Variants in SAV1 observed in about 807,000 individuals in gnomAD.
SAV1 encodes the protein protein salvador homolog 1.
SAV1 carries 23 observed loss-of-function variants against 47.3 expected under a neutral mutation model. That is an observed-to-expected ratio of 0.49 (90% CI 0.35 to 0.69). The LOEUF is 0.69. Ranked by LOEUF, SAV1 falls within the 30% of genes least tolerant of loss-of-function variation. SAV1 has a pLI of 0.01. For synonymous variants in SAV1, 155 were observed against 159.2 expected (o/e 0.97, Z 0.20); for missense variants, 448 against 457.4 (o/e 0.98, Z 0.19).
chr14:50,650,390 A>G (rs552464743), intron 2 of SAV1, among the ~76,000 whole-genome samples: 1 of 152,302 alleles, frequency 6.6e-6, no homozygotes, highest in Non-Finnish European at 1.5e-5. Flanking sequence ...TTCGGGATGT[A>G]TTATGTGAAA....
At chr14:50,641,709 T>C (rs3015502) in intron 3 of SAV1, among the ~76,000 whole-genome samples, 72,667 of 151,964 alleles carry the variant, frequency 0.48, 18,371 homozygotes, top group East Asian at 0.73. Context: ...AGTCAAAAAA[T>C]AACAGATGCT....
chr14:50,651,766 A>G (rs2039771813), intron 2 of SAV1, among the ~76,000 whole-genome samples: 1 of 152,026 alleles, frequency 6.6e-6, no homozygotes, highest in African/African-American at 2.4e-5. Flanking sequence ...AGGTGTGACT[A>G]TGGGCATGCA....
At position 50,644,783 on chromosome 14, in the gene SAV1, G is replaced by C; in HGVS notation, c.767C>G (p.Thr256Arg). 1 of 1,614,072 alleles carries C rather than the reference G, an allele frequency of 6.2e-7. No individual in the cohort carries two copies. The highest frequency in any genetic ancestry group is 8.5e-7 in the Non-Finnish European group (1 of 1,179,988). ...ATGCCTGTATTGGGCCTTCTTATTTGTGTGATCTACATAATAGGTTCCAAA... is the reference window on the plus strand; with the variant it reads ...ATGCCTGTATTGGGCCTTCTTATTTCTGTGATCTACATAATAGGTTCCAAA... ...SEFGTYYVDH[T>R]NKKAQYRHPC... The change falls in exon 3 of 5, where the codon ACA becomes AGA. Residue 256 changes from threonine (T) to arginine (R), a missense_variant. Transcript: ENST00000324679.
At chr14:50,644,389 C>T (rs1476079128) in intron 3 of SAV1, among the ~76,000 whole-genome samples, 1 of 152,168 alleles carries the variant, frequency 6.6e-6, no homozygotes, top group South Asian at 2.1e-4. Context: ...TACATTCTGA[C>T]TTAGGGGGTA....
chr14:50,659,972 T>C (rs2039845149), intron 2 of SAV1, among the ~76,000 whole-genome samples: 1 of 152,246 alleles, frequency 6.6e-6, no homozygotes, highest in African/African-American at 2.4e-5. Flanking sequence ...TCTCACCTCC[T>C]GCAAACTCTT....
At position 50,652,801 on chromosome 14, in the gene SAV1, C is replaced by T. The variant is rs1257753352; in HGVS notation, c.536-7787G>A. Among the ~76,000 whole-genome samples, 11 of 152,282 alleles carry T rather than the reference C, an allele frequency of 7.2e-5. No individual in the cohort carries two copies. The Middle Eastern group carries it at 0.01, about 141-fold the overall frequency. ...ATCCCAACACTTTGGGAGGCCAAGG[C>T]GGGTGCATCACCTGAGGTCAAGAGT... On this transcript the variant is annotated intron_variant, in intron 2 of 4. Coordinates refer to ENST00000324679, the MANE Select transcript of SAV1 (RefSeq NM_021818.4).
chr14:50,647,020 G>C (rs1407092606), intron 2 of SAV1, among the ~76,000 whole-genome samples: 1 of 152,080 alleles, frequency 6.6e-6, no homozygotes, highest in Non-Finnish European at 1.5e-5. Flanking sequence ...TCCAACAAAT[G>C]ATGTTGCAAC....
At position 50,661,921 on chromosome 14, in the gene SAV1, G is replaced by A. The variant is rs573160265; in HGVS notation, c.535+3258C>T. 1.1e-3 allele frequency among the ~76,000 whole-genome samples: 167 copies of A among 152,158 alleles called. 1 individual carries two copies. The highest frequency in any genetic ancestry group is 4.8e-3 in the Admixed American group (73 of 15,278). On this transcript the variant is annotated intron_variant, in intron 2 of 4. Coordinates refer to ENST00000324679, the MANE Select transcript of SAV1 (RefSeq NM_021818.4). ...TAGTGTGATGCTTCTAGCTTTGTTC[G>A]GTTTGCTCAGGATTACTTTGGGTAT...
rs1473114530 is a variant in SAV1, at chr14:50,635,359, G to A, written c.976C>T (p.Leu326Phe). 6.2e-7 allele frequency: 1 copy of A among 1,613,934 alleles called. No individual in the cohort carries two copies. Among genetic ancestry groups the A allele is most frequent in the Non-Finnish European group, 8.5e-7 (1 of 1,179,958 alleles). ...GTATCCAGGTCAGCCAGCTGGAAGA[G>A]TTCCCACTTCAGAATGTGGTCATAT... Reference protein sequence around the residue: ...VKYDHILKWELFQLADLDTYQ... With the variant: ...VKYDHILKWEFFQLADLDTYQ... The change falls in exon 5 of 5, where the codon CTC becomes TTC. Residue 326 changes from leucine (L) to phenylalanine (F), a missense_variant. Coordinates refer to ENST00000324679, the MANE Select transcript of SAV1 (RefSeq NM_021818.4).
At chr14:50,655,960 A>C (rs543449497) in intron 2 of SAV1, among the ~76,000 whole-genome samples, 13 of 152,168 alleles carry the variant, frequency 8.5e-5, no homozygotes, top group Non-Finnish European at 1.6e-4. Context: ...CAGAAGAATC[A>C]CTTGAACCCA....
chr14:50,655,435 T>A (rs939557681), intron 2 of SAV1, among the ~76,000 whole-genome samples: 13 of 151,896 alleles, frequency 8.6e-5, no homozygotes, highest in African/African-American at 3.1e-4. Flanking sequence ...CTGCCTTTTT[T>A]TTTTTTTTTG....
intron 4 of SAV1, among the ~76,000 whole-genome samples, chr14:50,638,321 T>C (rs1228128077): frequency 2.0e-5 from 3 of 152,212 alleles, no homozygotes; most frequent in African/African-American, 4.8e-5. Flanking sequence ...GGTAAATCAT[T>C]CCGAAAATTG....
At chr14:50,664,595 GTC>G (rs1323429906) in intron 2 of SAV1, 2 of 151,780 alleles carry the variant, frequency 1.3e-5, no homozygotes, top group Non-Finnish European at 2.9e-5. Flanking sequence ...AATTTTTTTT[GTC>G]TGTTACAAAA....
chr14:50,654,608 T>C (rs1244108535), intron 2 of SAV1, among the ~76,000 whole-genome samples: 2 of 152,228 alleles, frequency 1.3e-5, no homozygotes, highest in East Asian at 3.9e-4. Context: ...CACAGAGACA[T>C]GAAATGCGCA....
intron 2 of SAV1, among the ~76,000 whole-genome samples, chr14:50,651,653 G>T (rs1199584903): frequency 1.3e-5 from 2 of 152,084 alleles, no homozygotes; most frequent in South Asian, 2.1e-4. Context: ...TTGAGACAGG[G>T]TCTCACTCTG....
At chr14:50,657,517 C>A (rs2039823213) in intron 2 of SAV1, among the ~76,000 whole-genome samples, 1 of 152,110 alleles carries the variant, frequency 6.6e-6, no homozygotes, top group African/African-American at 2.4e-5. Flanking sequence ...TGTTACTAAC[C>A]ATGTAATCTC....
In SAV1 at chr14:50,634,079, G is replaced by A. The variant is rs1232663701; in HGVS notation, c.*1104C>T. The A allele has an allele frequency of 3.3e-6, 1 of 304,158 alleles. No homozygotes were observed. 18.8% of individuals were successfully genotyped at this position (304,158 alleles called of 1,614,324 possible). ...TTTGAATCCCTGGTTGTCATTTTTG[G>A]TAGCTTAACCCAGTCTGTCAGAAGG... On this transcript the variant is annotated 3_prime_UTR_variant, in exon 5 of 5. Transcript: ENST00000324679.
chr14:50,651,916 G>A (rs1045049302), intron 2 of SAV1, among the ~76,000 whole-genome samples: 6 of 152,134 alleles, frequency 3.9e-5, no homozygotes, highest in African/African-American at 1.4e-4. Context: ...ACAGGCATGC[G>A]CCCCTGTGCC....
intron 1 of SAV1, among the ~76,000 whole-genome samples, chr14:50,665,943 T>C (rs2039898506): frequency 6.6e-6 from 1 of 152,208 alleles, no homozygotes; most frequent in Non-Finnish European, 1.5e-5. Flanking sequence ...AATGAAATGC[T>C]CATGAATTAA....
Sources: gnomAD v4.1 joint callset for allele counts (sites outside exome capture counted in the v4.1 genomes callset) on GRCh38, gnomAD v4.1.1 for gene constraint, MANE v1.5 for transcripts, NCBI Gene and HGNC (gene_info 2026-07-23, HGNC 2026-07-21) for gene names.